DLG3: variants seen among roughly 807,000 people sequenced by gnomAD.
The protein encoded by DLG3 is disks large homolog 3.
DLG3 carries 1 observed loss-of-function variant against 64.1 expected under a neutral mutation model. The ratio of observed to expected loss-of-function variants is 0.02; its 90% CI spans 0.01 to 0.07. The LOEUF is 0.07. DLG3 is among the 10% of genes least tolerant of loss of function. The pLI, the probability that DLG3 is intolerant of heterozygous loss-of-function variation, is 1.00. For synonymous variants in DLG3, 245 were observed against 259.8 expected, an observed-to-expected ratio of 0.94 and a Z score of 0.55; for missense variants, 429 against 669.5, an observed-to-expected ratio of 0.64 and a Z score of 3.96.
At chrX:70,462,797 G>A (rs1602909152) in intron 9 of DLG3, among the ~76,000 whole-genome samples, 2 of 111,779 alleles carry the variant, frequency 1.8e-5, no homozygotes, top group African/African-American at 6.5e-5. Context: ...GCATTTTTGA[G>A]GAACTGTCTG....
intron 9 of DLG3, among the ~76,000 whole-genome samples, chrX:70,463,208 C>T (rs2086833591): frequency 9.0e-6 from 1 of 111,449 alleles, no homozygotes; most frequent in South Asian, 3.8e-4. Flanking sequence ...AGTGCAGTGG[C>T]GCAATCTCAG....
At chrX:70,452,350 T>C (rs1240874574) in intron 7 of DLG3, 3 of 992,869 alleles carry the variant, frequency 3.0e-6, no homozygotes, top group African/African-American at 3.9e-5. Flanking sequence ...CCTGAGATAG[T>C]TGCAGCCCGC....
chrX:70,495,356 C>A, intron 12 of DLG3, 52 bp from the exon 13 acceptor site: 1 of 1,133,827 alleles, frequency 8.8e-7, no homozygotes, highest in Non-Finnish European at 1.2e-6. Flanking sequence ...CTTCCCCTTC[C>A]CCCCTCTTCT....
intron 17 of DLG3, 63 bp downstream of exon 17, chrX:70,500,643 G>A: frequency 1.1e-6 from 1 of 939,807 alleles, no homozygotes; most frequent in South Asian, 2.0e-5. Context: ...GGGAAATGGA[G>A]AAGAAAGTGA....
At chrX:70,460,444 A>G (rs768824002) in intron 9 of DLG3, among the ~76,000 whole-genome samples, 7 of 112,242 alleles carry the variant, frequency 6.2e-5, no homozygotes, top group Admixed American at 5.7e-4. Flanking sequence ...CTACCAGGGA[A>G]TGATACTGTT....
chrX:70,452,867 AGGAAAGATGCTT>A, intron 7 of DLG3: 1 of 777,347 alleles, frequency 1.3e-6, no homozygotes, highest in South Asian at 3.2e-5. Context: ...GGCTCCTCCG[AGGAAAGATGCTT>A]GTAACAAGTG....
intron 10 of DLG3, among the ~76,000 whole-genome samples, chrX:70,491,517 T>G (rs1344926498): frequency 8.9e-6 from 1 of 112,760 alleles, no homozygotes; most frequent in East Asian, 2.8e-4. Flanking sequence ...TAGGTCAAAC[T>G]ATTTTTTCCT....
chrX:70,465,092 A>G (rs765158703), intron 9 of DLG3, among the ~76,000 whole-genome samples: 6 of 111,922 alleles, frequency 5.4e-5, no homozygotes, highest in Non-Finnish European at 1.1e-4. Context: ...TTTTGGGTTA[A>G]ATTCCAGGGT....
At chrX:70,448,734 G>A (rs1278248319) in intron 1 of DLG3, 179 bp from the exon 2 acceptor site, 2 of 984,598 alleles carry the variant, frequency 2.0e-6, no homozygotes, top group Non-Finnish European at 1.4e-6. Context: ...AGGGATTGGT[G>A]GGGTGAGTGA....
chrX:70,502,416 G>T lies in DLG3; in HGVS notation c.*147G>T. The T allele has an allele frequency of 2.2e-6, 1 of 451,203 alleles. No individual in the cohort carries two copies. Among genetic ancestry groups the T allele is most frequent in the East Asian group, 4.0e-5 (1 of 25,287 alleles). 37.2% of individuals were successfully genotyped at this position (451,203 alleles called of 1,213,427 possible). A position where few individuals can be genotyped will look rare whatever the true frequency, so the allele number is the denominator to read the frequency against. On this transcript the variant is annotated 3_prime_UTR_variant, in exon 19 of 19. Coordinates refer to ENST00000374360, the MANE Select transcript of DLG3 (RefSeq NM_021120.4). ...ATGTCAAAAAAAATTAAGTTTTCTA[G>T]TCCTGTTCTTTTTTTTTTTTTAAGT...
At chrX:70,449,157 T>G (rs2086594094) in intron 2 of DLG3, among the ~76,000 whole-genome samples, 194 bp downstream of exon 2, 2 of 111,558 alleles carry the variant, frequency 1.8e-5, no homozygotes, top group Non-Finnish European at 3.8e-5. Context: ...CCTTGCTCAC[T>G]GAGGCCTGGG....
intron 12 of DLG3, 62 bp from the exon 13 acceptor site, chrX:70,495,346 C>T (rs2087434618): frequency 9.3e-7 from 1 of 1,079,714 alleles, no homozygotes; most frequent in South Asian, 1.8e-5. Context: ...CCTCCCATCC[C>T]TTCCCCTTCC....
intron 13 of DLG3, among the ~76,000 whole-genome samples, chrX:70,498,161 A>T: frequency 8.9e-6 from 1 of 112,414 alleles, no homozygotes; most frequent in African/African-American, 3.2e-5. Flanking sequence ...AAGCATCTCA[A>T]CCAGTCAAAG....
At chrX:70,446,441 G>A (rs1203411623) in intron 1 of DLG3, among the ~76,000 whole-genome samples, 1 of 110,757 alleles carries the variant, frequency 9.0e-6, no homozygotes, top group Non-Finnish European at 1.9e-5. Flanking sequence ...GGGGGGCGGG[G>A]GGAGATTTGA....
intron 9 of DLG3, among the ~76,000 whole-genome samples, chrX:70,462,503 G>C (rs1411743766): frequency 1.8e-5 from 2 of 110,388 alleles, no homozygotes; most frequent in East Asian, 5.7e-4. Context: ...ACCCACCTCG[G>C]CCTCCCAGCC....
In DLG3 at chrX:70,445,314, C is replaced by T. The variant is rs1292106142; in HGVS notation, c.113C>T (p.Pro38Leu). Residue 38 changes from proline to leucine, a missense_variant, in exon 1 of 19, where the codon CCT (proline) becomes CTT (leucine). Pro to Leu is a moderately conservative substitution (Grantham distance 98, BLOSUM62 -3). Transcript: ENST00000374360. ...PGYGDWQVPDPYGPGGGNGAS... is the reference protein window; with the variant it reads ...PGYGDWQVPDLYGPGGGNGAS... ...TACGGCGACTGGCAAGTCCCCGACC[C>T]TTACGGGCCAGGTGGGGGCAACGGC... The T allele has an allele frequency of 2.6e-6, 3 of 1,166,065 alleles. No homozygotes were observed. Among genetic ancestry groups the T allele is most frequent in the African/African-American group, 3.5e-5 (2 of 56,483 alleles).
chrX:70,492,727 A>G (rs1453367698), intron 12 of DLG3, 131 bp downstream of exon 12: 6 of 601,697 alleles, frequency 1.0e-5, no homozygotes, highest in Admixed American at 5.6e-5. Flanking sequence ...GCTCTGTCCT[A>G]TCAGAACATT....
intron 9 of DLG3, among the ~76,000 whole-genome samples, chrX:70,472,361 T>C (rs1432188667): frequency 9.0e-6 from 1 of 111,392 alleles, no homozygotes; most frequent in Non-Finnish European, 1.9e-5. Context: ...GAGACTAGCC[T>C]GGCCAACATG....
intron 7 of DLG3, chrX:70,453,333 G>A: frequency 3.7e-6 from 1 of 273,649 alleles, no homozygotes; most frequent in South Asian, 6.8e-5. Context: ...CCAGTGAGTG[G>A]GCCTGAGATT....
Sources: allele counts gnomAD v4.1 joint callset (sites outside exome capture counted in the v4.1 genomes callset), GRCh38; gene constraint gnomAD v4.1.1; transcripts MANE v1.5; gene names NCBI Gene and HGNC (gene_info 2026-07-23, HGNC 2026-07-21).